The following SLC38A6 variants were observed in gnomAD, a reference collection of about 807,000 sequenced individuals.
SLC38A6 encodes the protein solute carrier family 38 member 6, also known as N system amino acid transporter NAT-1.
In SLC38A6, 73 loss-of-function variants were observed where a neutral mutation model predicts 65.0. The ratio of observed to expected loss-of-function variants is 1.12; its 90% CI spans 0.93 to 1.37. SLC38A6 has a LOEUF of 1.37. Ranked by LOEUF, SLC38A6 falls within the 40% of genes most tolerant of loss-of-function variation. The pLI is 0.00. For missense variants in SLC38A6, 561 were observed against 531.1 expected, an observed-to-expected ratio of 1.06 and a Z score of -0.55; for synonymous variants, 183 against 178.8, an observed-to-expected ratio of 1.02 and a Z score of -0.19.
At chr14:61,042,815 G>C (rs2041890037) in intron 8 of SLC38A6, among the ~76,000 whole-genome samples, 2 of 152,012 alleles carry the variant, frequency 1.3e-5, no homozygotes, top group African/African-American at 4.8e-5. Flanking sequence ...CCATATTCCT[G>C]TGTGACAGTC....
At chr14:61,083,664 C>G in exon 17 of SLC38A6, 1 of 1,550,158 alleles carries the variant, frequency 6.5e-7, no homozygotes, top group Non-Finnish European at 8.7e-7. Flanking sequence ...CCAAACGTGT[C>G]CACACCTTGA....
chr14:61,031,352 T>C (rs567929144), intron 6 of SLC38A6, among the ~76,000 whole-genome samples: 1 of 152,282 alleles, frequency 6.6e-6, no homozygotes, highest in Admixed American at 6.5e-5. Flanking sequence ...ATTGAACTTG[T>C]TCTGGAATGC....
At chr14:61,055,186 A>G (rs1178450557), downstream of SLC38A6, among the ~76,000 whole-genome samples, 2 of 74,520 alleles carry the variant, frequency 2.7e-5, no homozygotes, top group South Asian at 1.2e-3. Flanking sequence ...TTACATATGT[A>G]TACATGTGCC....
intron 3 of SLC38A6, among the ~76,000 whole-genome samples, chr14:61,000,532 G>A (rs763962738): frequency 2.0e-5 from 3 of 152,172 alleles, no homozygotes; most frequent in African/African-American, 4.8e-5. Context: ...TCGGGAGCCC[G>A]AGTCAGGAGA....
At position 61,030,474 on chromosome 14, in the gene SLC38A6, A is replaced by G; in HGVS notation, c.433A>G (p.Thr145Ala). The G allele has an allele frequency of 6.2e-7, 1 of 1,611,026 alleles. No homozygotes were observed. The highest frequency in any genetic ancestry group is 8.5e-7 in the Non-Finnish European group (1 of 1,178,644). Residue 145 changes from threonine to alanine, a missense_variant, in exon 6 of 16, where the codon ACA becomes GCA. Transcript: ENST00000267488. ...AMSSYLLIIK[T>A]ELPAAIAEFL... ...GTCATCTTATCTTTTAATTATTAAA[A>G]CAGAGCTTCCTGCTGCTATTGCAGA...
intron 5 of SLC38A6, among the ~76,000 whole-genome samples, chr14:61,026,791 G>A (rs928835048): frequency 6.6e-6 from 1 of 151,786 alleles, no homozygotes; most frequent in African/African-American, 2.4e-5. Flanking sequence ...CTTATATTCT[G>A]TGAAATAAGT....
intron 3 of SLC38A6, among the ~76,000 whole-genome samples, chr14:61,014,636 T>A (rs1009250768): frequency 2.0e-5 from 3 of 152,220 alleles, no homozygotes; most frequent in Non-Finnish European, 4.4e-5. Flanking sequence ...TGTTGGAGTT[T>A]ACTGGAAGTC....
chr14:61,043,360 C>A, intron 9 of SLC38A6, 90 bp from the exon 10 acceptor site: 1 of 1,157,582 alleles, frequency 8.6e-7, no homozygotes, highest in Non-Finnish European at 1.2e-6. Flanking sequence ...ATTTGAAAGC[C>A]TAGTAATAAT....
At chr14:60,997,069 A>C (rs1296554791) in intron 3 of SLC38A6, among the ~76,000 whole-genome samples, 1 of 152,172 alleles carries the variant, frequency 6.6e-6, no homozygotes, top group Non-Finnish European at 1.5e-5. Context: ...TTCCCAGGAC[A>C]TAACTAAGCA....
At chr14:61,064,299 C>T (rs1246814226) in intron 15 of SLC38A6, among the ~76,000 whole-genome samples, 1 of 152,154 alleles carries the variant, frequency 6.6e-6, no homozygotes, top group Non-Finnish European at 1.5e-5. Flanking sequence ...GATCCAAATA[C>T]AGATAGGTGT....
intron 6 of SLC38A6, among the ~76,000 whole-genome samples, chr14:61,033,693 TTGTC>T (rs1161891080): frequency 6.6e-6 from 1 of 152,172 alleles, no homozygotes; most frequent in African/African-American, 2.4e-5. Context: ...CACAATTCAT[TTGTC>T]TGTGACACAC....
At chr14:60,995,079 A>G (rs904543543) in intron 3 of SLC38A6, among the ~76,000 whole-genome samples, 7 of 152,076 alleles carry the variant, frequency 4.6e-5, no homozygotes, top group Admixed American at 3.3e-4. Context: ...TCTTAAATGT[A>G]TACTGTCAAG....
At chr14:61,070,809 G>A (rs2043203170) in intron 15 of SLC38A6, among the ~76,000 whole-genome samples, 1 of 152,154 alleles carries the variant, frequency 6.6e-6, no homozygotes, top group Non-Finnish European at 1.5e-5. Context: ...GATAAGTAGT[G>A]ATGTTGAGCA....
chr14:60,981,311 C>T lies in SLC38A6; in HGVS notation c.34C>T (p.Arg12Trp), dbSNP rs779350906. The T allele has an allele frequency of 2.5e-6, 4 of 1,610,166 alleles. No individual in the cohort carries two copies. In the South Asian group the frequency reaches 4.5e-5, roughly 18 times the overall value. ...EASWGSFNAE[R>W]GWYVSVQQPE... ...GTCCTGGGGGAGCTTCAACGCTGAG[C>T]GGGGCTGGTATGTCTCTGTCCAGCA... Residue 12 changes from arginine to tryptophan, a missense_variant, in exon 1 of 16, where the codon CGG becomes TGG. Arg to Trp is a moderately radical substitution (Grantham distance 101). Coordinates refer to ENST00000267488, the MANE Select transcript of SLC38A6 (RefSeq NM_153811.3).
intron 3 of SLC38A6, among the ~76,000 whole-genome samples, chr14:61,012,716 A>G (rs2039675658): frequency 6.6e-6 from 1 of 151,170 alleles, no homozygotes; most frequent in Non-Finnish European, 1.5e-5. Flanking sequence ...CTTAATCCTG[A>G]GTTCTAGTTT....
intron 3 of SLC38A6, 68 bp from the exon 4 acceptor site, chr14:61,015,836 T>C (rs1283240396): frequency 2.4e-6 from 3 of 1,262,452 alleles, no homozygotes; most frequent in East Asian, 4.7e-5. Context: ...TAGGACCTGC[T>C]CTTCTCTTTA....
intron 4 of SLC38A6, among the ~76,000 whole-genome samples, chr14:61,016,957 C>G (rs2040048696): frequency 6.6e-6 from 1 of 152,156 alleles, no homozygotes; most frequent in African/African-American, 2.4e-5. Flanking sequence ...AAACTAACTT[C>G]TGAAAGTGAG....
intron 15 of SLC38A6, among the ~76,000 whole-genome samples, chr14:61,077,377 C>G (rs7149933): frequency 6.6e-6 from 1 of 152,056 alleles, no homozygotes; most frequent in South Asian, 2.1e-4. Flanking sequence ...CGTTGATGAC[C>G]TAGTTGACTC....
At chr14:61,012,552 T>C (rs1292609443) in intron 3 of SLC38A6, among the ~76,000 whole-genome samples, 3 of 152,232 alleles carry the variant, frequency 2.0e-5, no homozygotes, top group African/African-American at 7.2e-5. Flanking sequence ...CACACTGCTT[T>C]GAATGTGTCC....
Sources: allele counts gnomAD v4.1 joint callset (sites outside exome capture counted in the v4.1 genomes callset), GRCh38; gene constraint gnomAD v4.1.1; transcripts MANE v1.5; gene names NCBI Gene and HGNC (gene_info 2026-07-23, HGNC 2026-07-21).